Variants in GRID1 observed in about 807,000 individuals in gnomAD.
GRID1 encodes the protein glutamate ionotropic receptor delta type subunit 1.
GRID1 carries 28 observed loss-of-function variants against 98.0 expected under a neutral mutation model. The observed-to-expected ratio is 0.29, with a 90% CI of 0.21 to 0.39. The LOEUF is 0.39. Among genes scored for constraint, GRID1 ranks in the 10% least tolerant of loss-of-function variants. GRID1 has a pLI of 1.00. For synonymous variants in GRID1, 553 were observed against 538.5 expected (o/e 1.03, Z -0.37); for missense variants, 1,111 against 1,340.5 (o/e 0.83, Z 2.67).
At chr10:86,032,786 A>C (rs897625636) in intron 4 of GRID1, among the ~76,000 whole-genome samples, 2 of 148,382 alleles carry the variant, frequency 1.3e-5, no homozygotes, top group South Asian at 2.2e-4. Context: ...ACCCTGCCAA[A>C]TCCCCCTCTC....
At chr10:85,760,282 T>C (rs1313349374) in intron 8 of GRID1, among the ~76,000 whole-genome samples, 1 of 152,232 alleles carries the variant, frequency 6.6e-6, no homozygotes, top group Non-Finnish European at 1.5e-5. Context: ...CTTTATTAGA[T>C]GCCTGACATA....
chr10:85,982,293 C>T (rs1842555040), intron 4 of GRID1, among the ~76,000 whole-genome samples: 1 of 151,256 alleles, frequency 6.6e-6, no homozygotes, highest in South Asian at 2.1e-4. Flanking sequence ...TATAGCAAAA[C>T]ATCATGTTGT....
intron 12 of GRID1, among the ~76,000 whole-genome samples, chr10:85,696,542 C>A (rs887306338): frequency 6.6e-6 from 1 of 151,954 alleles, no homozygotes; most frequent in African/African-American, 2.4e-5. Flanking sequence ...CAGCGCATGC[C>A]GAATTTCCAT....
intron 12 of GRID1, among the ~76,000 whole-genome samples, chr10:85,691,724 T>A (rs1344803597): frequency 1.3e-5 from 2 of 152,162 alleles, no homozygotes; most frequent in African/African-American, 2.4e-5. Flanking sequence ...CTACTTGCAT[T>A]ATCAACAAAT....
rs200303179 is a variant in GRID1, at chr10:86,334,066, C to CT, written c.235+29874dup. Among the ~76,000 whole-genome samples, 876 of 152,096 alleles carry CT rather than the reference C, an allele frequency of 5.8e-3. 10 individuals carry two copies. The highest frequency in any genetic ancestry group is 0.02 in the African/African-American group (831 of 41,494). ...CTGGCCAGGGGAAGCCCCTCACCTC[C>CT]TACATCACTCATGGCAAAGGCTGCC... On this transcript the variant is annotated intron_variant, in intron 2 of 15. Transcript: ENST00000327946.
At chr10:85,806,219 C>T (rs529156976) in intron 8 of GRID1, among the ~76,000 whole-genome samples, 5 of 152,170 alleles carry the variant, frequency 3.3e-5, no homozygotes, top group Non-Finnish European at 7.4e-5. Flanking sequence ...TGAAATGATG[C>T]TCAATATTAT....
chr10:86,094,739 C>A (rs1174812228), intron 4 of GRID1, among the ~76,000 whole-genome samples: 1 of 151,730 alleles, frequency 6.6e-6, no homozygotes. Flanking sequence ...TGGGTAGAAT[C>A]AATATTGTGA....
chr10:85,883,011 T>C (rs1841057187), intron 5 of GRID1, among the ~76,000 whole-genome samples: 1 of 152,142 alleles, frequency 6.6e-6, no homozygotes, highest in Admixed American at 6.5e-5. Context: ...ACATTGTTTA[T>C]TATTTTTTCT....
chr10:85,704,875 T>G (rs1028430433), intron 12 of GRID1, among the ~76,000 whole-genome samples: 9 of 152,136 alleles, frequency 5.9e-5, no homozygotes, highest in South Asian at 2.1e-4. Context: ...GACTACTGGG[T>G]ACATAACGAA....
chr10:86,144,068 T>C (rs566731764), intron 3 of GRID1, among the ~76,000 whole-genome samples: 4 of 152,148 alleles, frequency 2.6e-5, no homozygotes, highest in African/African-American at 9.6e-5. Flanking sequence ...TCTCCCCGGG[T>C]ACAGGAAAAC....
chr10:86,355,321 G>A (rs750917738), intron 2 of GRID1, among the ~76,000 whole-genome samples: 2 of 152,260 alleles, frequency 1.3e-5, no homozygotes, highest in African/African-American at 2.4e-5. Context: ...ATGGGGAAGG[G>A]CCAGGCTGAG....
intron 2 of GRID1, among the ~76,000 whole-genome samples, chr10:86,256,773 T>C (rs1330378718): frequency 6.6e-6 from 1 of 152,190 alleles, no homozygotes; most frequent in Non-Finnish European, 1.5e-5. Context: ...TGTGTGCCCT[T>C]CAAAGCTGGC....
chr10:86,152,699 G>T (rs1845186582), intron 3 of GRID1, among the ~76,000 whole-genome samples: 1 of 152,216 alleles, frequency 6.6e-6, no homozygotes, highest in Non-Finnish European at 1.5e-5. Flanking sequence ...GAGTGAGGCT[G>T]TCTAGGGGTA....
intron 6 of GRID1, among the ~76,000 whole-genome samples, chr10:85,868,772 T>G (rs1843247179): frequency 6.6e-6 from 1 of 152,216 alleles, no homozygotes; most frequent in African/African-American, 2.4e-5. Flanking sequence ...TGCATGTGAC[T>G]TTTAAATACC....
chr10:86,213,150 C>T (rs1273043868), intron 2 of GRID1, among the ~76,000 whole-genome samples: 1 of 152,178 alleles, frequency 6.6e-6, no homozygotes, highest in Non-Finnish European at 1.5e-5. Flanking sequence ...CCAGTCACTC[C>T]ATTACAGAAT....
At chr10:85,898,565 C>T (rs1454229596) in intron 5 of GRID1, among the ~76,000 whole-genome samples, 3 of 152,126 alleles carry the variant, frequency 2.0e-5, no homozygotes, top group South Asian at 2.1e-4. Context: ...TCTTTATATA[C>T]TTATTCTATA....
At chr10:86,132,217 AG>A (rs1844848571) in intron 4 of GRID1, among the ~76,000 whole-genome samples, 1 of 152,110 alleles carries the variant, frequency 6.6e-6, no homozygotes, top group Middle Eastern at 3.2e-3. Context: ...AAAGATGAGC[AG>A]GATGGTGGGG....
At position 85,860,567 on chromosome 10, in the gene GRID1, T is replaced by C. The variant is rs1843154972; in HGVS notation, c.952-4377A>G. ...TGGAAGAGGGACTGGATGGTTTCAT[T>C]TAGCCACTCCAGAGATTTTCGGCAA... On this transcript the variant is annotated intron_variant, in intron 6 of 15. Transcript: ENST00000327946. 4.6e-5 allele frequency among the ~76,000 whole-genome samples: 7 copies of C among 152,162 alleles called. No individual in the cohort carries two copies. In the South Asian group the frequency reaches 1.4e-3, roughly 31 times the overall value.
chr10:85,854,659 A>T, intron 7 of GRID1, 44 bp from the exon 8 acceptor site: 1 of 1,610,590 alleles, frequency 6.2e-7, no homozygotes, highest in East Asian at 2.2e-5. Context: ...TGGTTAAGGT[A>T]GAGGATGGAG....
Sources: allele counts gnomAD v4.1 joint callset (sites outside exome capture counted in the v4.1 genomes callset), GRCh38; gene constraint gnomAD v4.1.1; transcripts MANE v1.5; gene names NCBI Gene and HGNC (gene_info 2026-07-23, HGNC 2026-07-21).